Variants in SLC1A7 observed in about 807,000 individuals in gnomAD.
SLC1A7 encodes solute carrier family 1 member 7.
Under a neutral mutation model 47.7 loss-of-function variants are expected in SLC1A7, and 40 were observed. That is an observed-to-expected ratio of 0.84 (90% CI 0.65 to 1.09). The LOEUF (loss-of-function observed/expected upper bound fraction) is 1.09. Ranked by LOEUF, SLC1A7 falls within the 50% of genes least tolerant of loss-of-function variation. The probability of loss-of-function intolerance (pLI) is 0.00; values close to 1 mark genes in which losing one functional copy is unlikely to be tolerated. For missense variants in SLC1A7, 746 were observed against 769.5 expected, an observed-to-expected ratio of 0.97 and a Z score of 0.36; for synonymous variants, 323 against 325.6, an observed-to-expected ratio of 0.99 and a Z score of 0.09.
intron 2 of SLC1A7, chr1:53,118,726 G>A (rs913883606): frequency 6.6e-6 from 1 of 152,256 alleles, no homozygotes; most frequent in African/African-American, 2.4e-5. Flanking sequence ...GGCCAGGCAC[G>A]GTGGCTCATG....
intron 2 of SLC1A7, among the ~76,000 whole-genome samples, chr1:53,118,166 G>A (rs1010994937): frequency 6.6e-6 from 1 of 152,232 alleles, no homozygotes; most frequent in African/African-American, 2.4e-5. Context: ...GGCTTTTTGA[G>A]GGATTCCTCC....
chr1:53,092,864 G>C (rs1420730615), intron 6 of SLC1A7, 77 bp from the exon 7 acceptor site: 1 of 967,788 alleles, frequency 1.0e-6, no homozygotes, highest in Middle Eastern at 2.2e-4. Flanking sequence ...ATCGCTGCGC[G>C]GCCTTCCCCC....
intron 8 of SLC1A7, 65 bp downstream of exon 8, chr1:53,090,546 GA>G: frequency 6.8e-7 from 1 of 1,470,898 alleles, no homozygotes; most frequent in Admixed American, 2.5e-5. Flanking sequence ...TCAAGTCTGG[GA>G]GCCTGGGAAT....
At chr1:53,093,346 G>T (rs1473994636) in intron 6 of SLC1A7, 115 bp downstream of exon 6, 1 of 865,602 alleles carries the variant, frequency 1.2e-6, no homozygotes, top group Non-Finnish European at 1.8e-6. Context: ...CCCGGCCCAG[G>T]GCTGAGCCTG....
chr1:53,106,276 T>C (rs1457688932), intron 3 of SLC1A7, among the ~76,000 whole-genome samples: 1 of 151,878 alleles, frequency 6.6e-6, no homozygotes, highest in African/African-American at 2.4e-5. Flanking sequence ...ATAGGTGGGC[T>C]CATTATTCTT....
At chr1:53,122,576 C>T (rs550383362) in intron 2 of SLC1A7, among the ~76,000 whole-genome samples, 12 of 152,180 alleles carry the variant, frequency 7.9e-5, no homozygotes, top group Non-Finnish European at 1.3e-4. Flanking sequence ...GCTTCCCAGA[C>T]GGCTCTGCCA....
chr1:53,112,347 C>G (rs1644708978), intron 3 of SLC1A7, among the ~76,000 whole-genome samples: 1 of 152,214 alleles, frequency 6.6e-6, no homozygotes, highest in Non-Finnish European at 1.5e-5. Context: ...ACCAACTGTT[C>G]CCCAGTTGAG....
intron 1 of SLC1A7, 66 bp downstream of exon 1, chr1:53,142,249 C>T (rs1645065209): frequency 6.6e-7 from 1 of 1,506,914 alleles, no homozygotes; most frequent in South Asian, 1.3e-5. Flanking sequence ...TAGAACGGGA[C>T]CCCAGATCCC....
At chr1:53,103,712 G>A (rs1644609874) in intron 4 of SLC1A7, 144 bp from the exon 5 acceptor site, 1 of 561,134 alleles carries the variant, frequency 1.8e-6, no homozygotes, top group Non-Finnish European at 3.1e-6. Context: ...GGCAGGCAGA[G>A]CAGGGATTGC....
chr1:53,140,176 T>G (rs1200671623), intron 1 of SLC1A7, among the ~76,000 whole-genome samples: 1 of 152,230 alleles, frequency 6.6e-6, no homozygotes, highest in Admixed American at 6.5e-5. Context: ...AGCCTCTACA[T>G]CCTTCCTTCA....
In SLC1A7 at chr1:53,088,135, G is replaced by A. The variant is rs137924327; in HGVS notation, c.1557C>T (p.Ser519=). ...GGCAGGTGGGGCCCAGGGTGAGCTC[G>A]GAGGCCTCGGCTACACTCTTCACAC... is the stretch of plus-strand genomic sequence containing the variant. ...NGCVKSVAEA[S]ELTLGPTCPH... The change falls in exon 11 of 11, where the codon TCC becomes TCT. Residue 519 remains serine, a synonymous_variant. Coordinates refer to ENST00000371494, the MANE Select transcript of SLC1A7 (RefSeq NM_006671.6). 29 of 1,613,244 alleles carry A rather than the reference G, an allele frequency of 1.8e-5. No individual in the cohort carries two copies. The highest frequency in any genetic ancestry group is 1.1e-4 in the African/African-American group (8 of 75,056).
At chr1:53,094,681 G>A (rs1371962603) in intron 5 of SLC1A7, among the ~76,000 whole-genome samples, 1 of 152,220 alleles carries the variant, frequency 6.6e-6, no homozygotes, top group Non-Finnish European at 1.5e-5. Flanking sequence ...CCGCCCGCCT[G>A]TCTTCCTGCC....
At chr1:53,101,146 C>T (rs12737414) in intron 5 of SLC1A7, among the ~76,000 whole-genome samples, 106,307 of 148,938 alleles carry the variant, frequency 0.71, 41,149 homozygotes, top group Non-Finnish European at 0.89. Context: ...TCACACACCC[C>T]GCCTCAGTAC....
At chr1:53,115,267 G>A in intron 2 of SLC1A7, 2 of 490,680 alleles carry the variant, frequency 4.1e-6, no homozygotes, top group Non-Finnish European at 7.4e-6. Context: ...GGGGGAGTGA[G>A]AGATTAATTA....
At chr1:53,138,339 T>G (rs890770446) in intron 1 of SLC1A7, among the ~76,000 whole-genome samples, 1 of 152,246 alleles carries the variant, frequency 6.6e-6, no homozygotes, top group Non-Finnish European at 1.5e-5. Context: ...TGCCTTTCAC[T>G]TCTGAGAAAC....
At chr1:53,131,999 G>A (rs6688914) in intron 2 of SLC1A7, among the ~76,000 whole-genome samples, 60,895 of 151,950 alleles carry the variant, frequency 0.4, 12,729 homozygotes, top group African/African-American at 0.52. Flanking sequence ...GTAAGATGTT[G>A]GGGAAGCATG....
At chr1:53,105,639 A>G in intron 4 of SLC1A7, 93 bp downstream of exon 4, 1 of 986,588 alleles carries the variant, frequency 1.0e-6, no homozygotes, top group Non-Finnish European at 1.6e-6. Context: ...TGGCCAGCAC[A>G]CCTGTCACTT....
intron 3 of SLC1A7, among the ~76,000 whole-genome samples, chr1:53,107,087 C>T (rs538861774): frequency 8.9e-4 from 114 of 128,660 alleles, no homozygotes; most frequent in African/African-American, 3.2e-3. Flanking sequence ...ACCCGGGAGG[C>T]GGAGGTTGCA....
intron 2 of SLC1A7, among the ~76,000 whole-genome samples, chr1:53,127,842 A>G (rs1169304166): frequency 6.6e-6 from 1 of 152,166 alleles, no homozygotes; most frequent in Non-Finnish European, 1.5e-5. Flanking sequence ...TCCATGCCTG[A>G]GGGAGCATGG....
Sources: allele counts gnomAD v4.1 joint callset (sites outside exome capture counted in the v4.1 genomes callset), GRCh38; gene constraint gnomAD v4.1.1; transcripts MANE v1.5; gene names NCBI Gene and HGNC (gene_info 2026-07-23, HGNC 2026-07-21).